Variants in VRK1 observed in about 807,000 individuals in gnomAD.
VRK1 encodes VRK serine/threonine kinase 1, also known as serine/threonine-protein kinase VRK1.
A neutral mutation model predicts 57.1 loss-of-function variants in VRK1; 33 were observed. The ratio of observed to expected loss-of-function variants is 0.58; its 90% CI spans 0.44 to 0.77. VRK1 has a LOEUF of 0.77. Ranked by LOEUF, VRK1 falls within the 30% of genes least tolerant of loss-of-function variation. VRK1 has a pLI of 0.00. For missense variants in VRK1, 413 were observed against 477.3 expected (o/e 0.87, Z 1.25); for synonymous variants, 137 against 147.8 (o/e 0.93, Z 0.53).
chr14:96,821,441 AAAAAC>A (rs781353292), intron 1 of VRK1, among the ~76,000 whole-genome samples: 2 of 152,214 alleles, frequency 1.3e-5, no homozygotes, highest in Non-Finnish European at 2.9e-5. Flanking sequence ...TAAAGTTAAA[AAAAAC>A]AAAACAAAAC....
Position 96,846,129 on chromosome 14 carries a change from T to G in VRK1, c.251T>G (p.Leu84Ter). The change falls in exon 4 of 13, where the codon TTA becomes TGA. Residue 84 changes from leucine (L) to a stop codon, truncating the protein, a stop_gained. Transcript: ENST00000216639. LOFTEE classifies it high-confidence loss of function. ...PSDNGPLFTE[L>*]KFYQRAAKPE... ...GACAATGGACCTCTTTTTACTGAAT[T>G]AAAGTTCTACCAACGAGCTGCAAAA... The G allele has an allele frequency of 6.2e-7, 1 of 1,613,474 alleles. No individual in the cohort carries two copies. Among genetic ancestry groups the G allele is most frequent in the Non-Finnish European group, 8.5e-7 (1 of 1,179,586 alleles).
At chr14:96,815,808 G>C (rs1886370171) in intron 1 of VRK1, among the ~76,000 whole-genome samples, 1 of 151,822 alleles carries the variant, frequency 6.6e-6, no homozygotes, top group East Asian at 1.9e-4. Flanking sequence ...TGAGGTGGGA[G>C]GATTGCTTAG....
chr14:96,841,542 C>G (rs1017033321), intron 3 of VRK1, among the ~76,000 whole-genome samples: 1 of 152,054 alleles, frequency 6.6e-6, no homozygotes, highest in Admixed American at 6.6e-5. Context: ...TTACAGTTAT[C>G]CTAGAAGAAT....
At chr14:96,871,004 G>T (rs1406902723) in intron 11 of VRK1, among the ~76,000 whole-genome samples, 4 of 152,138 alleles carry the variant, frequency 2.6e-5, no homozygotes, top group Admixed American at 2.6e-4. Context: ...AATCAACCCT[G>T]ATAGCCAACC....
intron 1 of VRK1, among the ~76,000 whole-genome samples, chr14:96,824,714 C>G (rs905051951): frequency 1.3e-5 from 2 of 148,232 alleles, no homozygotes; most frequent in Non-Finnish European, 3.0e-5. Context: ...AGTGCAGTGG[C>G]GCCGTCTCGG....
chr14:96,874,813 T>C lies in VRK1; in HGVS notation c.1069-1217T>C, dbSNP rs151064318. 2.6e-5 allele frequency among the ~76,000 whole-genome samples: 4 copies of C among 152,346 alleles called. No homozygotes were observed. The East Asian group carries it at 7.7e-4, about 29-fold the overall frequency. ...CCTTGAATAGAGTTCAGCTTTCCCA[T>C]GTAGTTCTCTTTGGAACAGAACCCA... On this transcript the variant is annotated intron_variant, in intron 11 of 12. Coordinates refer to ENST00000216639, the MANE Select transcript of VRK1 (RefSeq NM_003384.3).
intron 1 of VRK1, among the ~76,000 whole-genome samples, chr14:96,833,001 A>G (rs1887068426): frequency 6.6e-6 from 1 of 152,154 alleles, no homozygotes; most frequent in Admixed American, 6.6e-5. Context: ...ATTTACTAGC[A>G]TGTCCCGGGA....
chr14:96,808,129 A>G (rs769351243), intron 1 of VRK1, among the ~76,000 whole-genome samples: 9 of 152,056 alleles, frequency 5.9e-5, no homozygotes, highest in Non-Finnish European at 1.2e-4. Context: ...GCAGAAAGGA[A>G]GTAAGAAAGG....
At chr14:96,811,196 G>T (rs1382327103) in intron 1 of VRK1, among the ~76,000 whole-genome samples, 1 of 152,124 alleles carries the variant, frequency 6.6e-6, no homozygotes, top group Non-Finnish European at 1.5e-5. Context: ...CTCCCAAAGT[G>T]CAGGGATTAC....
intron 1 of VRK1, among the ~76,000 whole-genome samples, chr14:96,806,083 A>G (rs1014146025): frequency 1.4e-4 from 21 of 151,624 alleles, no homozygotes; most frequent in African/African-American, 4.6e-4. Flanking sequence ...CCCTAGTGAC[A>G]GTTTGACCAA....
At chr14:96,823,161 T>A (rs1273626921) in intron 1 of VRK1, among the ~76,000 whole-genome samples, 1 of 152,240 alleles carries the variant, frequency 6.6e-6, no homozygotes, top group Admixed American at 6.5e-5. Context: ...TTACCTGCTT[T>A]ATGTTTTTAA....
At position 96,876,017 on chromosome 14, in the gene VRK1, T is replaced by A; in HGVS notation, c.1069-13T>A. 6.2e-7 allele frequency: 1 copy of A among 1,611,590 alleles called. No homozygotes were observed. The highest frequency in any genetic ancestry group is 8.5e-7 in the Non-Finnish European group (1 of 1,178,510). The stretch of plus-strand genomic sequence containing the variant: ...CAGATATCTCTCTCTCTCTCTTTAA[T>A]TTTATATGTAAGAAGCGAAAGAAAG... On this transcript the variant is annotated splice_polypyrimidine_tract_variant and intron_variant, in intron 11 of 12. Coordinates refer to ENST00000216639, the MANE Select transcript of VRK1 (RefSeq NM_003384.3).
At chr14:96,857,675 T>A (rs1358221666) in intron 10 of VRK1, among the ~76,000 whole-genome samples, 8 of 151,750 alleles carry the variant, frequency 5.3e-5, no homozygotes, top group Non-Finnish European at 1.2e-4. Context: ...AGCCAAAGAG[T>A]GAGAATTGGT....
chr14:96,868,983 C>T (rs1295662878), intron 11 of VRK1, among the ~76,000 whole-genome samples: 5 of 151,774 alleles, frequency 3.3e-5, no homozygotes, highest in Non-Finnish European at 7.4e-5. Context: ...TTAGTAGAGA[C>T]GGGGTTTCTC....
chr14:96,821,876 T>C (rs1886612271), intron 1 of VRK1, among the ~76,000 whole-genome samples: 1 of 152,204 alleles, frequency 6.6e-6, no homozygotes, highest in Non-Finnish European at 1.5e-5. Flanking sequence ...TAGAACAAGC[T>C]GGACATGTTC....
chr14:96,811,910 CT>C (rs1886221487), intron 1 of VRK1, among the ~76,000 whole-genome samples: 1 of 152,038 alleles, frequency 6.6e-6, no homozygotes, highest in South Asian at 2.1e-4. Flanking sequence ...TTTTAGAATG[CT>C]TTCATCAGTA....
intron 5 of VRK1, among the ~76,000 whole-genome samples, chr14:96,850,674 G>A (rs1020259231): frequency 6.6e-6 from 1 of 152,130 alleles, no homozygotes; most frequent in Non-Finnish European, 1.5e-5. Context: ...CACCTTTCAG[G>A]CTGTTACAGA....
At chr14:96,844,475 A>G (rs1887594972) in intron 3 of VRK1, among the ~76,000 whole-genome samples, 1 of 152,194 alleles carries the variant, frequency 6.6e-6, no homozygotes, top group Non-Finnish European at 1.5e-5. Flanking sequence ...TGTGTTGCCC[A>G]TTTACTGTTA....
intron 11 of VRK1, among the ~76,000 whole-genome samples, chr14:96,873,886 T>C (rs1438496474): frequency 6.6e-6 from 1 of 152,222 alleles, no homozygotes; most frequent in East Asian, 1.9e-4. Flanking sequence ...GTTACCTGGC[T>C]GAAGTGTGGA....
Sources: gnomAD v4.1 joint callset for allele counts (sites outside exome capture counted in the v4.1 genomes callset) on GRCh38, gnomAD v4.1.1 for gene constraint, MANE v1.5 for transcripts, NCBI Gene and HGNC (gene_info 2026-07-23, HGNC 2026-07-21) for gene names.